The following PARD3B variants were observed in gnomAD, a reference collection of about 807,000 sequenced individuals.
The protein encoded by PARD3B is par-3 family cell polarity regulator beta.
A neutral mutation model predicts 130.2 loss-of-function variants in PARD3B; 103 were observed. The observed-to-expected ratio is 0.79, with a 90% confidence interval of 0.67 to 0.93. PARD3B has a LOEUF of 0.93. Among genes scored for constraint, PARD3B ranks in the 40% least tolerant of loss-of-function variants. The pLI is 0.00. For missense variants in PARD3B, 1,609 were observed against 1,499.2 expected, an observed-to-expected ratio of 1.07 and a Z score of -1.21; for synonymous variants, 583 against 553.2, an observed-to-expected ratio of 1.05 and a Z score of -0.76.
intron 2 of PARD3B, among the ~76,000 whole-genome samples, chr2:204,875,401 A>T (rs1391618780): frequency 1.3e-5 from 2 of 152,208 alleles, no homozygotes; most frequent in African/African-American, 4.8e-5. Flanking sequence ...TTTGTGGAGC[A>T]TCTTGTGAAA....
At chr2:204,710,831 G>A (rs529232044) in intron 2 of PARD3B, among the ~76,000 whole-genome samples, 1 of 152,200 alleles carries the variant, frequency 6.6e-6, no homozygotes, top group Admixed American at 6.5e-5. Context: ...TCTAATTGCT[G>A]TCACTGACAC....
chr2:205,273,552 C>T (rs1373568418), intron 16 of PARD3B, among the ~76,000 whole-genome samples: 1 of 152,190 alleles, frequency 6.6e-6, no homozygotes, highest in Non-Finnish European at 1.5e-5. Flanking sequence ...AGCCAGACTT[C>T]TCAATCTTGA....
At chr2:204,688,578 TAAA>T (rs568862087) in intron 2 of PARD3B, among the ~76,000 whole-genome samples, 6 of 94,564 alleles carry the variant, frequency 6.3e-5, no homozygotes, top group Admixed American at 1.3e-4. Context: ...AGACTCCATC[TAAA>T]AAAAAAAAAA....
chr2:204,990,967 T>C (rs1322579787), intron 3 of PARD3B, among the ~76,000 whole-genome samples: 3 of 152,172 alleles, frequency 2.0e-5, no homozygotes, highest in African/African-American at 4.8e-5. Flanking sequence ...ATAAAGCCTG[T>C]CATTTCTCTA....
Position 205,440,760 on chromosome 2 carries a change from T to A in PARD3B, c.3044+88T>A. 1 of 1,347,566 alleles carries A rather than the reference T, an allele frequency of 7.4e-7. No homozygotes were observed. The highest frequency in any genetic ancestry group is 1.0e-6 in the Non-Finnish European group (1 of 983,474). 83.5% of individuals were successfully genotyped at this position (1,347,566 alleles called of 1,614,324 possible). A position where few individuals can be genotyped will look rare whatever the true frequency, so the allele number is the denominator to read the frequency against. The stretch of plus-strand genomic sequence containing the variant: ...GCTGAAACCGATAAAAAATGTCTCC[T>A]TCAATCAATTAAAACTGAAACGAGT... On this transcript the variant is annotated intron_variant, in intron 20 of 22. Transcript: ENST00000406610. This position sits in a 1 kb window ranked among gnomAD's most constrained non-coding sequence, Gnocchi z 4.2.
chr2:204,692,736 G>C (rs557289932), intron 2 of PARD3B, among the ~76,000 whole-genome samples: 1 of 152,122 alleles, frequency 6.6e-6, no homozygotes, highest in African/African-American at 2.4e-5. Flanking sequence ...AGAAATAAAT[G>C]CAGAAGCTCC....
At chr2:204,779,466 C>T (rs1051624936) in intron 2 of PARD3B, among the ~76,000 whole-genome samples, 8 of 152,104 alleles carry the variant, frequency 5.3e-5, no homozygotes, top group African/African-American at 1.4e-4. Flanking sequence ...TAACAGATGA[C>T]ATAATGGCAA....
At chr2:204,634,072 T>G (rs186289017) in intron 1 of PARD3B, among the ~76,000 whole-genome samples, 1 of 152,284 alleles carries the variant, frequency 6.6e-6, no homozygotes, top group East Asian at 1.9e-4. Flanking sequence ...ATAGTAGGCC[T>G]TATTCATTCT....
intron 4 of PARD3B, among the ~76,000 whole-genome samples, chr2:205,094,374 G>A (rs956863973): frequency 1.3e-5 from 2 of 152,088 alleles, no homozygotes; most frequent in African/African-American, 4.8e-5. Flanking sequence ...GCTTATAGAC[G>A]ATAGGCAATA....
intron 20 of PARD3B, among the ~76,000 whole-genome samples, chr2:205,498,586 C>T (rs2050033366): frequency 6.6e-6 from 1 of 152,128 alleles, no homozygotes; most frequent in African/African-American, 2.4e-5. Context: ...GGAACATACA[C>T]CATACACCTG....
At chr2:204,942,481 A>G (rs1167888164) in intron 2 of PARD3B, among the ~76,000 whole-genome samples, 2 of 152,198 alleles carry the variant, frequency 1.3e-5, no homozygotes. Flanking sequence ...ATTTTTGAGA[A>G]TGTTTGAAAC....
At chr2:204,879,579 A>G (rs2045962877) in intron 2 of PARD3B, among the ~76,000 whole-genome samples, 1 of 152,202 alleles carries the variant, frequency 6.6e-6, no homozygotes, top group African/African-American at 2.4e-5. Context: ...GAGGAAACCA[A>G]TGTGAAAATG....
At chr2:205,247,145 G>A (rs1309239707) in intron 16 of PARD3B, among the ~76,000 whole-genome samples, 1 of 152,122 alleles carries the variant, frequency 6.6e-6, no homozygotes, top group Non-Finnish European at 1.5e-5. Flanking sequence ...AAAAGTTGAA[G>A]TCCTTTTCTG....
At chr2:205,479,435 G>A (rs374211598) in intron 20 of PARD3B, among the ~76,000 whole-genome samples, 122 of 152,280 alleles carry the variant, frequency 8.0e-4, no homozygotes, top group African/African-American at 2.8e-3. Context: ...GACTCAAAAT[G>A]TATAAAACCT....
intron 2 of PARD3B, among the ~76,000 whole-genome samples, chr2:204,804,064 C>T (rs2042675984): frequency 2.0e-5 from 3 of 151,934 alleles, no homozygotes; most frequent in Admixed American, 2.0e-4. Flanking sequence ...AAAACAACAA[C>T]AACAAAAAAA....
rs1226016101 is a variant in PARD3B at position 205,301,335 on chromosome 2, A to G, written c.2393-129A>G. ...AGTCAGATCTTCAAAGGGCGCACGTAACCACATAGAAGGGTAGAACTACAG... is the reference window on the plus strand; with the variant it reads ...AGTCAGATCTTCAAAGGGCGCACGTGACCACATAGAAGGGTAGAACTACAG... On this transcript the variant is annotated intron_variant, in intron 17 of 22. Coordinates refer to ENST00000406610, the MANE Select transcript of PARD3B (RefSeq NM_001302769.2). The surrounding 1 kb of genome is among the most constrained non-coding windows in gnomAD (Gnocchi z 5.2). 6.8e-7 allele frequency: 1 copy of G among 1,462,448 alleles called. No homozygotes were observed. Among genetic ancestry groups the G allele is most frequent in the African/African-American group, 1.4e-5 (1 of 70,450 alleles). The allele number at this position is 1,462,448 out of a possible 1,614,324, so 90.6% of individuals were successfully genotyped here.
chr2:204,632,635 C>T (rs1302262182), intron 1 of PARD3B, among the ~76,000 whole-genome samples: 1 of 152,106 alleles, frequency 6.6e-6, no homozygotes, highest in African/African-American at 2.4e-5. Flanking sequence ...ATGTGTTGTG[C>T]CCAAGGCCCT....
At chr2:204,998,490 A>G (rs1424794591) in intron 3 of PARD3B, among the ~76,000 whole-genome samples, 3 of 110,810 alleles carry the variant, frequency 2.7e-5, no homozygotes, top group East Asian at 2.1e-4. Context: ...TATATAATAT[A>G]TGTATATATA....
At chr2:204,714,875 CTATAATTTTCATT>C (rs2038645496) in intron 2 of PARD3B, among the ~76,000 whole-genome samples, 1 of 152,130 alleles carries the variant, frequency 6.6e-6, no homozygotes, top group African/African-American at 2.4e-5. Flanking sequence ...TAGTGAGGTG[CTATAATTTTCATT>C]TTAAGCTATA....
Sources: gnomAD v4.1 joint callset for allele counts (sites outside exome capture counted in the v4.1 genomes callset) on GRCh38, gnomAD v4.1.1 for gene constraint, Gnocchi (gnomAD v3.1) non-coding constraint, MANE v1.5 for transcripts, NCBI Gene and HGNC (gene_info 2026-07-23, HGNC 2026-07-21) for gene names.